The following ETS1 variants were observed in gnomAD, a reference collection of about 807,000 sequenced individuals.
The protein encoded by ETS1 is protein C-ets-1.
A neutral mutation model predicts 58.6 loss-of-function variants in ETS1; 15 were observed. The ratio of observed to expected loss-of-function variants is 0.26; its 90% CI spans 0.17 to 0.39. The LOEUF (loss-of-function observed/expected upper bound fraction) is 0.39. Ranked by LOEUF, ETS1 falls within the 10% of genes least tolerant of loss-of-function variation. The probability of loss-of-function intolerance (pLI) is 1.00; values close to 1 mark genes in which losing one functional copy is unlikely to be tolerated. For missense variants in ETS1, 417 were observed against 610.5 expected (o/e 0.68, Z 3.34); for synonymous variants, 214 against 218.2 (o/e 0.98, Z 0.17).
intron 3 of ETS1, among the ~76,000 whole-genome samples, chr11:128,505,580 A>C (rs1267185890): frequency 6.6e-6 from 1 of 152,074 alleles, no homozygotes; most frequent in Non-Finnish European, 1.5e-5. Context: ...TCTCGCCCAC[A>C]CGGACCCAGG....
chr11:128,568,250 C>G (rs1025246715), intron 2 of ETS1, among the ~76,000 whole-genome samples: 1 of 152,068 alleles, frequency 6.6e-6, no homozygotes, highest in Non-Finnish European at 1.5e-5. Flanking sequence ...TCCTCCTTGC[C>G]GGTGAGACAT....
At chr11:128,507,263 G>T (rs1039501064) in intron 3 of ETS1, among the ~76,000 whole-genome samples, 4 of 152,230 alleles carry the variant, frequency 2.6e-5, no homozygotes, top group African/African-American at 9.6e-5. Flanking sequence ...CAGGGACGGA[G>T]GGAGGGAGAG....
Position 128,459,887 on chromosome 11 carries a change from G to C in ETS1, c.*2474C>G, listed in dbSNP as rs1203756783. 2 of 152,352 alleles carry C rather than the reference G, an allele frequency of 1.3e-5. No individual in the cohort carries two copies. Among genetic ancestry groups the C allele is most frequent in the African/African-American group, 4.8e-5 (2 of 41,434 alleles). 9.4% of individuals were successfully genotyped at this position (152,352 alleles called of 1,614,324 possible). A position where few individuals can be genotyped will look rare whatever the true frequency, so the allele number is the denominator to read the frequency against. On this transcript the variant is annotated 3_prime_UTR_variant, in exon 10 of 10. Transcript: ENST00000392668. ...TGCAGGAGTTATACTCACAGAAGGA[G>C]AGTTTCCGGCATAAATTTAATAGGA...
In ETS1 at chr11:128,464,183, C is replaced by G. The variant is rs1861973066; in HGVS notation, c.1124-556G>C. 6.6e-6 allele frequency among the ~76,000 whole-genome samples: 1 copy of G among 151,542 alleles called. No individual in the cohort carries two copies. The highest frequency in any genetic ancestry group is 2.4e-5 in the African/African-American group (1 of 41,160). ...AAATATCTGTTCAGTCATAATATTT[C>G]TCTCCACTGCCACCACCCTGCCCTT... On this transcript the variant is annotated intron_variant, in intron 8 of 9. Coordinates refer to ENST00000392668, the MANE Select transcript of ETS1 (RefSeq NM_001143820.2). This position sits in a 1 kb window ranked among gnomAD's most constrained non-coding sequence, Gnocchi z 4.1.
At chr11:128,534,415 CTTTTT>C in intron 3 of ETS1, among the ~76,000 whole-genome samples, 1 of 152,104 alleles carries the variant, frequency 6.6e-6, no homozygotes, top group Admixed American at 6.5e-5. Context: ...AAATTTTTTC[CTTTTT>C]TAAGAATATT....
At chr11:128,557,536 T>C (rs1010972946) in intron 2 of ETS1, among the ~76,000 whole-genome samples, 32 of 152,146 alleles carry the variant, frequency 2.1e-4, no homozygotes, top group African/African-American at 7.5e-4. Flanking sequence ...ATTTAAGAGA[T>C]CCTTAACATT....
chr11:128,472,587 T>C (rs1390328561), intron 8 of ETS1, among the ~76,000 whole-genome samples: 1 of 152,168 alleles, frequency 6.6e-6, no homozygotes, highest in Non-Finnish European at 1.5e-5. Context: ...GGGAACATAA[T>C]TGACTGGCTC....
At position 128,568,194 on chromosome 11, in the gene ETS1, C is replaced by T. The variant is rs367974799; in HGVS notation, c.69+4868G>A. 6.6e-5 allele frequency among the ~76,000 whole-genome samples: 10 copies of T among 152,210 alleles called. No homozygotes were observed. The East Asian group carries it at 1.2e-3, about 18-fold the overall frequency. On this transcript the variant is annotated intron_variant, in intron 2 of 9. Coordinates refer to ENST00000392668, the MANE Select transcript of ETS1 (RefSeq NM_001143820.2). ...ACAGCCCAAGGTGTTTCCTAAAGCCCGCATGGCCAAAGGGGTCACTAGTCC... is the reference window on the plus strand; with the variant it reads ...ACAGCCCAAGGTGTTTCCTAAAGCCTGCATGGCCAAAGGGGTCACTAGTCC...
intron 3 of ETS1, among the ~76,000 whole-genome samples, chr11:128,514,434 C>T (rs1863470094): frequency 6.6e-6 from 1 of 152,164 alleles, no homozygotes; most frequent in Non-Finnish European, 1.5e-5. Context: ...CTAAGCATCT[C>T]TTTCATTCCA....
Position 128,585,383 on chromosome 11 carries a change from T to C in ETS1, c.-15+2105A>G, listed in dbSNP as rs76648904. On this transcript the variant is annotated intron_variant, in intron 1 of 9. Transcript: ENST00000392668. ...AGGAAGGGTCCCAGCTCGTGGGACG[T>C]AATCATTCCCTTCTGCTGTTTGATG... Among the ~76,000 whole-genome samples the C allele has an allele frequency of 2.9e-4, 43 of 150,582 alleles. No individual in the cohort carries two copies. The East Asian group carries it at 6.2e-3, about 22-fold the overall frequency.
chr11:128,548,467 C>T (rs1274364879), intron 3 of ETS1, among the ~76,000 whole-genome samples: 1 of 152,104 alleles, frequency 6.6e-6, no homozygotes, highest in Non-Finnish European at 1.5e-5. Flanking sequence ...AGAGCTGAAA[C>T]CTGTGCCCCA....
intron 4 of ETS1, 78 bp from the exon 5 acceptor site, chr11:128,489,568 G>A: frequency 2.6e-6 from 3 of 1,166,836 alleles, no homozygotes; most frequent in Non-Finnish European, 3.9e-6. Flanking sequence ...GACACTGAAG[G>A]AGCTGAATTT....
intron 3 of ETS1, among the ~76,000 whole-genome samples, chr11:128,507,869 C>A (rs1022213550): frequency 7.2e-5 from 11 of 152,174 alleles, no homozygotes; most frequent in Non-Finnish European, 1.6e-4. Flanking sequence ...TTCTCCTAAA[C>A]CTTGAATGGC....
At chr11:128,576,541 A>G (rs2135587318) in intron 1 of ETS1, among the ~76,000 whole-genome samples, 1 of 152,212 alleles carries the variant, frequency 6.6e-6, no homozygotes, top group East Asian at 1.9e-4. Flanking sequence ...TTTGGGTGCA[A>G]AAATGATTTG....
chr11:128,485,920 TAATAA>T (rs1317463735), intron 6 of ETS1, 144 bp downstream of exon 6: 8 of 599,196 alleles, frequency 1.3e-5, no homozygotes, highest in South Asian at 1.3e-4. Flanking sequence ...TTGTGGAAAA[TAATAA>T]AATAAAGTAA....
intron 3 of ETS1, among the ~76,000 whole-genome samples, chr11:128,541,108 G>C (rs1454383446): frequency 6.6e-6 from 1 of 152,100 alleles, no homozygotes; most frequent in Non-Finnish European, 1.5e-5. Context: ...CATAATTCTA[G>C]TCTCAACAGG....
intron 3 of ETS1, among the ~76,000 whole-genome samples, chr11:128,524,988 C>A (rs974185627): frequency 1.3e-5 from 2 of 151,076 alleles, no homozygotes; most frequent in African/African-American, 2.4e-5. Context: ...TCCACTTGGG[C>A]AAGATACTTC....
chr11:128,584,496 T>C (rs190794599), intron 1 of ETS1, among the ~76,000 whole-genome samples: 1 of 152,212 alleles, frequency 6.6e-6, no homozygotes, highest in African/African-American at 2.4e-5. Context: ...CAAAACTTCA[T>C]TGTAGATTAA....
At chr11:128,501,288 T>C (rs1863083481) in intron 3 of ETS1, among the ~76,000 whole-genome samples, 1 of 152,180 alleles carries the variant, frequency 6.6e-6, no homozygotes, top group South Asian at 2.1e-4. Context: ...AACAATGAGA[T>C]GATCATCTTA....
Sources: gnomAD v4.1 joint callset for allele counts (sites outside exome capture counted in the v4.1 genomes callset) on GRCh38, gnomAD v4.1.1 for gene constraint, Gnocchi (gnomAD v3.1) non-coding constraint, MANE v1.5 for transcripts, NCBI Gene and HGNC (gene_info 2026-07-23, HGNC 2026-07-21) for gene names.